The following CAMSAP1 variants were observed in gnomAD, a reference collection of about 807,000 sequenced individuals.
The protein encoded by CAMSAP1 is calmodulin regulated spectrin associated protein 1.
Under a neutral mutation model 143.5 loss-of-function variants are expected in CAMSAP1, and 58 were observed. The observed-to-expected ratio is 0.40, with a 90% CI of 0.33 to 0.50. The LOEUF is 0.50. Ranked by LOEUF, CAMSAP1 falls within the 20% of genes least tolerant of loss-of-function variation. The probability of loss-of-function intolerance (pLI) is 0.45; values close to 1 mark genes in which losing one functional copy is unlikely to be tolerated. For missense variants in CAMSAP1, 1,969 were observed against 2,115.7 expected, an observed-to-expected ratio of 0.93 and a Z score of 1.36; for synonymous variants, 945 against 859.3, an observed-to-expected ratio of 1.10 and a Z score of -1.74.
intron 5 of CAMSAP1, among the ~76,000 whole-genome samples, chr9:135,850,755 T>TGGC (rs1588472882): frequency 1.3e-5 from 2 of 152,352 alleles, no homozygotes; most frequent in East Asian, 3.9e-4. Flanking sequence ...ACAATCACCT[T>TGGC]TCACTTTACA....
At chr9:135,898,739 G>C (rs1486727926) in intron 1 of CAMSAP1, among the ~76,000 whole-genome samples, 1 of 152,136 alleles carries the variant, frequency 6.6e-6, no homozygotes, top group Non-Finnish European at 1.5e-5. Context: ...AGGATGCAAA[G>C]CAACTGGAAT....
intron 16 of CAMSAP1, among the ~76,000 whole-genome samples, chr9:135,814,573 G>A (rs144062659): frequency 3.9e-4 from 60 of 152,216 alleles, no homozygotes; most frequent in African/African-American, 1.4e-3. Flanking sequence ...TGGGTGCTCC[G>A]GAGTCCACAC....
rs1162982756 is a variant in CAMSAP1 at position 135,882,736 on chromosome 9, AT to A, written c.423+79del. The A allele has an allele frequency of 6.8e-6, 10 of 1,475,232 alleles. No homozygotes were observed. The African/African-American group carries it at 1.3e-4, about 19-fold the overall frequency. The allele number at this position is 1,475,232 out of a possible 1,614,324, so 91.4% of individuals were successfully genotyped here. A position where few individuals can be genotyped will look rare whatever the true frequency, so the allele number is the denominator to read the frequency against. ...CCTCGCCGCACACCGTGTTCACACC[AT>A]CCATGCACCAGGTGCGCCACACGAG... On this transcript the variant is annotated intron_variant, in intron 2 of 16. Transcript: ENST00000389532. This position sits in a 1 kb window ranked among gnomAD's most constrained non-coding sequence, Gnocchi z 4.9.
At chr9:135,862,680 T>C (rs1837241082) in intron 4 of CAMSAP1, 72 bp from the exon 5 acceptor site, 11 of 1,455,016 alleles carry the variant, frequency 7.6e-6, no homozygotes, top group African/African-American at 1.4e-5. Context: ...ACAGGCACAC[T>C]GTTAGATCGA....
intron 5 of CAMSAP1, among the ~76,000 whole-genome samples, chr9:135,862,231 C>G: frequency 6.6e-6 from 1 of 150,730 alleles, no homozygotes; most frequent in Non-Finnish European, 1.5e-5. Flanking sequence ...GGACCACAGG[C>G]GTGTGCCACC....
chr9:135,864,737 C>T (rs1837314068), intron 4 of CAMSAP1, among the ~76,000 whole-genome samples: 1 of 152,204 alleles, frequency 6.6e-6, no homozygotes, highest in Admixed American at 6.5e-5. Context: ...AAGCCTGTGG[C>T]CAGGCTGACC....
In CAMSAP1 at chr9:135,829,817, C is replaced by A. The variant is rs564601392; in HGVS notation, c.1046-2233G>T. On this transcript the variant is annotated intron_variant, in intron 7 of 16. Coordinates refer to ENST00000389532, the MANE Select transcript of CAMSAP1 (RefSeq NM_015447.4). ...GCAGCGAGCTGAGATTGTGCCACTGCACTCCAGCCTGGGCGACAGAGCGAG... is the reference window on the plus strand; with the variant it reads ...GCAGCGAGCTGAGATTGTGCCACTGAACTCCAGCCTGGGCGACAGAGCGAG... Among the ~76,000 whole-genome samples the A allele has an allele frequency of 5.9e-5, 9 of 151,882 alleles. No homozygotes were observed. The South Asian group carries it at 1.7e-3, about 28-fold the overall frequency.
chr9:135,869,279 G>T (rs966148945), intron 3 of CAMSAP1, among the ~76,000 whole-genome samples: 5 of 151,906 alleles, frequency 3.3e-5, no homozygotes, highest in Non-Finnish European at 5.9e-5. Flanking sequence ...GAAGCAGATG[G>T]AGCTCTTGAG....
At chr9:135,879,827 C>A (rs1837877827) in intron 3 of CAMSAP1, among the ~76,000 whole-genome samples, 1 of 151,754 alleles carries the variant, frequency 6.6e-6, no homozygotes, top group African/African-American at 2.4e-5. Flanking sequence ...CACAGAAGGG[C>A]CACAGGGGAG....
At chr9:135,867,469 A>ACCCC (rs371398774) in intron 3 of CAMSAP1, among the ~76,000 whole-genome samples, 2,360 of 123,524 alleles carry the variant, frequency 0.019, 51 homozygotes, top group African/African-American at 0.045. Context: ...ACACAGCAAG[A>ACCCC]CCCCCCTCTT....
chr9:135,849,929 T>G (rs1352040844), intron 7 of CAMSAP1: 1 of 443,142 alleles, frequency 2.3e-6, no homozygotes, highest in Non-Finnish European at 4.0e-6. Context: ...TGTGCAATTT[T>G]TAGAGCTGTG....
At chr9:135,847,406 T>C (rs1029217417) in intron 7 of CAMSAP1, among the ~76,000 whole-genome samples, 1 of 151,974 alleles carries the variant, frequency 6.6e-6, no homozygotes, top group East Asian at 1.9e-4. Context: ...TAAAGACACA[T>C]GCACACGTAT....
chr9:135,887,706 C>T lies in CAMSAP1; in HGVS notation c.161-4628G>A, dbSNP rs116830354. Among the ~76,000 whole-genome samples, 779 of 152,276 alleles carry T rather than the reference C, an allele frequency of 5.1e-3. 5 individuals are homozygous for T. The highest frequency in any genetic ancestry group is 0.018 in the African/African-American group (750 of 41,550). On this transcript the variant is annotated intron_variant, in intron 1 of 16. Coordinates refer to ENST00000389532, the MANE Select transcript of CAMSAP1 (RefSeq NM_015447.4). ...TTACTATGTTAAGCAGGAGGCAGGG[C>T]ATCTGCTGAGTGGGAGGGCCCAGCC... is the stretch of plus-strand genomic sequence containing the variant.
chr9:135,902,564 G>A (rs1838649906), intron 1 of CAMSAP1, among the ~76,000 whole-genome samples: 1 of 152,180 alleles, frequency 6.6e-6, no homozygotes, highest in Non-Finnish European at 1.5e-5. Context: ...GCGACCCTCT[G>A]GAGTTGATTA....
chr9:135,813,850 G>T (rs991489880), intron 16 of CAMSAP1, among the ~76,000 whole-genome samples: 1 of 152,214 alleles, frequency 6.6e-6, no homozygotes, highest in Admixed American at 6.5e-5. Context: ...GAGAGCTCAG[G>T]GCATCCAGTC....
intron 7 of CAMSAP1, among the ~76,000 whole-genome samples, chr9:135,835,632 G>A (rs1835999840): frequency 6.6e-6 from 1 of 152,186 alleles, no homozygotes; most frequent in Non-Finnish European, 1.5e-5. Context: ...TGCCCCCACT[G>A]GAATTCAGTA....
Position 135,818,744 on chromosome 9 carries a change from TC to T in CAMSAP1, c.3960-129del. On this transcript the variant is annotated intron_variant, in intron 12 of 16. Transcript: ENST00000389532. This position sits in a 1 kb window ranked among gnomAD's most constrained non-coding sequence, Gnocchi z 7.7. ...CCGCTGGGACCAAGAGTGGCCAGCC[TC>T]CACAAGCGGGACACAGAGGCTGCAA... The T allele has an allele frequency of 1.6e-6, 2 of 1,217,006 alleles. No individual in the cohort carries two copies. Among genetic ancestry groups the T allele is most frequent in the Non-Finnish European group, 2.2e-6 (2 of 888,892 alleles). The allele number at this position is 1,217,006 out of a possible 1,614,324, so 75.4% of individuals were successfully genotyped here.
chr9:135,853,163 C>A (rs549761367), intron 5 of CAMSAP1, among the ~76,000 whole-genome samples: 134 of 152,292 alleles, frequency 8.8e-4, no homozygotes, highest in African/African-American at 3.1e-3. Flanking sequence ...CCTGAGGTGA[C>A]ACGCTGGGAG....
In CAMSAP1 at chr9:135,821,189, C is replaced by T; in HGVS notation, c.3472G>A (p.Gly1158Ser). 6.2e-7 allele frequency: 1 copy of T among 1,610,038 alleles called. No homozygotes were observed. Among genetic ancestry groups the T allele is most frequent in the Non-Finnish European group, 8.5e-7 (1 of 1,179,876 alleles). The change falls in exon 11 of 17, where the codon GGT (glycine) becomes AGT (serine). Residue 1158 changes from glycine to serine, a missense_variant. Gly to Ser is a moderately conservative substitution (Grantham distance 56). This residue lies in a region of CAMSAP1 where 1,390 missense variants were observed against 1,420.8 expected (regional missense o/e 0.98). Coordinates refer to ENST00000389532, the MANE Select transcript of CAMSAP1 (RefSeq NM_015447.4). This position sits in a 1 kb window ranked among gnomAD's most constrained non-coding sequence, Gnocchi z 4.6. ...AAGAGACACTTCCCATGTGGGTCAC[C>T]ACTGGGCTCCAGGGCACTGTCCAGG... is the stretch of plus-strand genomic sequence containing the variant. ...PGLDSALEPS[G>S]DPHGKCLFDS...
Sources: gnomAD v4.1 joint callset for allele counts (sites outside exome capture counted in the v4.1 genomes callset) on GRCh38, gnomAD v4.1.1 for gene constraint, gnomAD v4.1.1 regional missense constraint, Gnocchi (gnomAD v3.1) non-coding constraint, MANE v1.5 for transcripts, NCBI Gene and HGNC (gene_info 2026-07-23, HGNC 2026-07-21) for gene names.